Variants in IL17REL observed in about 807,000 individuals in gnomAD.
IL17REL encodes interleukin 17 receptor E like, also known as interleukin-17 receptor E-like protein.
In IL17REL, 36 loss-of-function variants were observed where a neutral mutation model predicts 49.0. The ratio of observed to expected loss-of-function variants is 0.73; its 90% CI spans 0.56 to 0.97. The LOEUF (loss-of-function observed/expected upper bound fraction) is 0.97. Ranked by LOEUF, IL17REL falls within the 50% of genes least tolerant of loss-of-function variation. The pLI, the probability that IL17REL is intolerant of heterozygous loss-of-function variation, is 0.00. For synonymous variants in IL17REL, 206 were observed against 192.4 expected (o/e 1.07, Z -0.58); for missense variants, 470 against 453.9 (o/e 1.04, Z -0.32).
chr22:50,002,049 C>T (rs913435826), intron 1 of IL17REL, among the ~76,000 whole-genome samples: 1 of 152,216 alleles, frequency 6.6e-6, no homozygotes, highest in East Asian at 1.9e-4. Flanking sequence ...AGCAAAAGAA[C>T]AGCAGGTGCA....
downstream of IL17REL, among the ~76,000 whole-genome samples, chr22:49,992,790 GTATTTT>G (rs1256957747): frequency 1.3e-5 from 2 of 152,180 alleles, no homozygotes; most frequent in African/African-American, 4.8e-5. Context: ...GTTAATTTTT[GTATTTT>G]TAGTAGAGCT....
At chr22:49,998,985 C>G (rs1569208841) in intron 7 of IL17REL, among the ~76,000 whole-genome samples, 1 of 152,032 alleles carries the variant, frequency 6.6e-6, no homozygotes. Flanking sequence ...GTGTGTGCAG[C>G]GTCGCTGAGC....
exon 13 of IL17REL, chr22:49,994,876 C>T (rs1443485161): frequency 6.6e-6 from 1 of 152,452 alleles, no homozygotes; most frequent in Non-Finnish European, 1.5e-5. Context: ...CTGCTGGGCA[C>T]CCCTGGCTGG....
intron 4 of IL17REL, 104 bp from the exon 6 acceptor site, chr22:50,000,344 C>G: frequency 1.4e-6 from 1 of 721,984 alleles, no homozygotes; most frequent in Non-Finnish European, 2.4e-6. Flanking sequence ...GTCATGCGAC[C>G]TCGAATTAAG....
At chr22:50,011,875 C>T (rs2061143219), upstream of IL17REL, among the ~76,000 whole-genome samples, 1 of 152,310 alleles carries the variant, frequency 6.6e-6, no homozygotes, top group East Asian at 1.9e-4. Context: ...CCTAAAGGCA[C>T]ATCTTGCTAA....
At chr22:50,007,790 T>C (rs370962758) in intron 1 of IL17REL, among the ~76,000 whole-genome samples, 249 of 152,278 alleles carry the variant, frequency 1.6e-3, no homozygotes, top group African/African-American at 5.8e-3. Context: ...TAGAGGTCCT[T>C]GAGGTGAAGA....
At chr22:50,009,730 C>T (rs1014099405), upstream of IL17REL, among the ~76,000 whole-genome samples, 3 of 152,198 alleles carry the variant, frequency 2.0e-5, no homozygotes, top group African/African-American at 7.2e-5. Flanking sequence ...AAAAGTCGGG[C>T]CCACTTCTGT....
rs145358051 is a variant in IL17REL, at chr22:49,997,697, G to A, written c.865C>T (p.Arg289Cys). 7.6e-5 allele frequency: 123 copies of A among 1,613,880 alleles called. 1 individual carries two copies. In the African/African-American group the frequency reaches 9.7e-4, roughly 13 times the overall value. ...ATGGAGAACTTACTTGGGAAGCGAC[G>A]CTGTTCGAAAGGGCACCGCACCCAG... The change falls in exon 10 of 13, where the codon CGT (arginine) becomes TGT (cysteine). Residue 289 changes from arginine to cysteine, a missense_variant. Arg to Cys is a radical substitution (Grantham distance 180). Transcript: ENST00000341280.
At chr22:49,992,741 C>G (rs140875411), downstream of IL17REL, among the ~76,000 whole-genome samples, 3,202 of 152,338 alleles carry the variant, frequency 0.021, 115 homozygotes, top group African/African-American at 0.073. Context: ...CCTCAGCCTC[C>G]TGAGTAGCTG....
chr22:50,003,801 C>T (rs2061092478), intron 1 of IL17REL, among the ~76,000 whole-genome samples: 2 of 152,114 alleles, frequency 1.3e-5, no homozygotes, highest in South Asian at 4.1e-4. Context: ...TTCCACCCCT[C>T]AGATAAAAAA....
At chr22:49,999,921 C>A in exon 5 of IL17REL, 4 of 1,535,870 alleles carry the variant, frequency 2.6e-6, no homozygotes, top group Non-Finnish European at 3.5e-6. Flanking sequence ...GCACTTGCAC[C>A]AGAATCGCCT....
At chr22:49,996,890 G>A (rs1386942373) in intron 12 of IL17REL, 30 bp from the exon 15 acceptor site, 5 of 628,946 alleles carry the variant, frequency 7.9e-6, no homozygotes, top group African/African-American at 7.5e-5. Flanking sequence ...CCGTCAACAT[G>A]GCCTCCTGCT....
rs1045634964 is a variant in IL17REL, at chr22:49,998,645, T to C, written c.602-336A>G. On this transcript the variant is annotated intron_variant, in intron 7 of 12. Coordinates refer to ENST00000341280, the Ensembl canonical transcript of IL17REL. Reference sequence around the variant, plus strand: ...ATGGGTGTGCGTGAGTGTGCCTGCCTGTGCATGGGTGTCATGGGTATGGGT... The same window carrying C: ...ATGGGTGTGCGTGAGTGTGCCTGCCCGTGCATGGGTGTCATGGGTATGGGT... Among the ~76,000 whole-genome samples the C allele has an allele frequency of 7.4e-5, 11 of 149,224 alleles. No individual in the cohort carries two copies. The East Asian group carries it at 1.2e-3, about 16-fold the overall frequency.
intron 1 of IL17REL, among the ~76,000 whole-genome samples, 152 bp from the exon 3 acceptor site, chr22:50,001,383 C>T (rs1415642171): frequency 6.6e-6 from 1 of 152,170 alleles, no homozygotes; most frequent in African/African-American, 2.4e-5. Context: ...AGAGCAAGTC[C>T]CCTGGCATGT....
At chr22:50,001,122 G>A (rs771026898) in exon 2 of IL17REL, 7 of 1,602,966 alleles carry the variant, frequency 4.4e-6, no homozygotes, top group Admixed American at 3.4e-5. Flanking sequence ...GGAGCATCGC[G>A]CAGCCGTCAG....
chr22:49,996,537 G>A (rs2061035424), exon 13 of IL17REL: 1 of 154,598 alleles, frequency 6.5e-6, no homozygotes, highest in African/African-American at 2.4e-5. Flanking sequence ...GGACCCCCAG[G>A]GAGGAGGAGG....
Position 49,998,321 on chromosome 22 carries a change from C to A in IL17REL, c.602-12G>T. 6.3e-7 allele frequency: 1 copy of A among 1,588,062 alleles called. No individual in the cohort carries two copies. The highest frequency in any genetic ancestry group is 1.1e-5 in the South Asian group (1 of 87,284). ...CAGTGCCTCAGTGTCTGCAGGAACC[C>A]TCCCCGAAACACAGGTCAGTTGGGC... On this transcript the variant is annotated splice_polypyrimidine_tract_variant and intron_variant, in intron 7 of 12. Transcript: ENST00000341280.
At chr22:49,999,291 C>G (rs1342290074) in exon 7 of IL17REL, 1 of 1,612,974 alleles carries the variant, frequency 6.2e-7, no homozygotes, top group Non-Finnish European at 8.5e-7. Flanking sequence ...GGACACTTGC[C>G]GTTTTCAAAG....
At chr22:49,997,239 G>A in intron 11 of IL17REL, 81 bp downstream of exon 13, 1 of 1,484,466 alleles carries the variant, frequency 6.7e-7, no homozygotes, top group South Asian at 1.2e-5. Flanking sequence ...GGGTGGGGCA[G>A]AGACCACCAC....
Sources: gnomAD v4.1 joint callset for allele counts (sites outside exome capture counted in the v4.1 genomes callset) on GRCh38, gnomAD v4.1.1 for gene constraint, MANE v1.5 for transcripts, NCBI Gene and HGNC (gene_info 2026-07-23, HGNC 2026-07-21) for gene names.